CLIP2: variants seen among roughly 807,000 people sequenced by gnomAD.
The protein encoded by CLIP2 is CAP-Gly domain containing linker protein 2.
In CLIP2, 41 loss-of-function variants were observed where a neutral mutation model predicts 111.7. That is an observed-to-expected ratio of 0.37 (90% CI 0.29 to 0.48). The LOEUF is 0.48. CLIP2 is among the 20% of genes least tolerant of loss of function. The pLI is 0.99. For missense variants in CLIP2, 1,160 were observed against 1,422.1 expected, an observed-to-expected ratio of 0.82 and a Z score of 2.96; for synonymous variants, 660 against 644.2, an observed-to-expected ratio of 1.02 and a Z score of -0.37.
chr7:74,373,071 C>A, intron 9 of CLIP2, 35 bp downstream of exon 9: 1 of 1,430,416 alleles, frequency 7.0e-7, no homozygotes, highest in South Asian at 1.2e-5. Context: ...GGCCCGCCAG[C>A]CACCTTGCCC....
intron 3 of CLIP2, among the ~76,000 whole-genome samples, chr7:74,348,661 G>A (rs1222033764): frequency 4.0e-5 from 6 of 151,850 alleles, no homozygotes; most frequent in Non-Finnish European, 5.9e-5. Flanking sequence ...ATGGTGGCGG[G>A]CGCCTGTAGT....
chr7:74,401,864 G>A, intron 16 of CLIP2, among the ~76,000 whole-genome samples: 1 of 152,146 alleles, frequency 6.6e-6, no homozygotes. Context: ...CCAGGAGTTT[G>A]AGACCAGCCT....
intron 1 of CLIP2, among the ~76,000 whole-genome samples, chr7:74,313,545 G>A (rs1215401005): frequency 2.6e-5 from 4 of 151,214 alleles, no homozygotes; most frequent in African/African-American, 9.7e-5. Context: ...GGGCGACAGA[G>A]TGAGACTCCA....
In CLIP2 at chr7:74,354,009, G is replaced by A; in HGVS notation, c.803+5G>A. 1 of 1,609,152 alleles carries A rather than the reference G, an allele frequency of 6.2e-7. No individual in the cohort carries two copies. The highest frequency in any genetic ancestry group is 8.5e-7 in the Non-Finnish European group (1 of 1,176,926). ...TGGGGCGGTGGCGGGCACCAGGTATGGTGGGCTTCTTCTGGGGAGTATGGG... is the reference window on the plus strand; with the variant it reads ...TGGGGCGGTGGCGGGCACCAGGTATAGTGGGCTTCTTCTGGGGAGTATGGG... On this transcript the variant is annotated splice_donor_5th_base_variant and intron_variant, in intron 4 of 16. Transcript: ENST00000223398.
chr7:74,400,079 G>A (rs1215575029), intron 14 of CLIP2, among the ~76,000 whole-genome samples: 2 of 151,022 alleles, frequency 1.3e-5, no homozygotes, highest in Non-Finnish European at 3.0e-5. Flanking sequence ...GAACCCGGGA[G>A]GCGGAGCTTG....
chr7:74,318,585 C>T (rs571940981), intron 2 of CLIP2, among the ~76,000 whole-genome samples: 7 of 152,058 alleles, frequency 4.6e-5, no homozygotes, highest in East Asian at 1.9e-4. Flanking sequence ...TGGTGGCGGG[C>T]GCCTATAGTC....
intron 1 of CLIP2, among the ~76,000 whole-genome samples, chr7:74,299,685 C>G (rs536100600): frequency 6.6e-6 from 1 of 151,188 alleles, no homozygotes; most frequent in East Asian, 1.9e-4. Context: ...GGTGCTGACT[C>G]GAGGCCCTTC....
chr7:74,378,663 C>T (rs1011897686), intron 10 of CLIP2, among the ~76,000 whole-genome samples: 1 of 152,076 alleles, frequency 6.6e-6, no homozygotes, highest in Non-Finnish European at 1.5e-5. Context: ...TCACTTGAGC[C>T]CAGGTGTTTG....
At chr7:74,342,362 C>G (rs1204935266) in intron 3 of CLIP2, among the ~76,000 whole-genome samples, 1 of 147,032 alleles carries the variant, frequency 6.8e-6, no homozygotes, top group African/African-American at 2.5e-5. Flanking sequence ...GGTGGCAGAG[C>G]GAGACTCTGT....
intron 1 of CLIP2, among the ~76,000 whole-genome samples, chr7:74,303,263 G>A (rs1185984137): frequency 3.9e-5 from 6 of 152,204 alleles, no homozygotes; most frequent in African/African-American, 7.2e-5. Flanking sequence ...TGAGCCTTGG[G>A]CAAATGCAAA....
chr7:74,398,220 A>G (rs997752887), intron 14 of CLIP2, among the ~76,000 whole-genome samples: 4 of 151,912 alleles, frequency 2.6e-5, no homozygotes, highest in African/African-American at 4.8e-5. Flanking sequence ...TTAGCCGGGC[A>G]TGGTGGAGTG....
At chr7:74,384,579 G>A (rs573327835) in intron 11 of CLIP2, among the ~76,000 whole-genome samples, 1 of 150,656 alleles carries the variant, frequency 6.6e-6, no homozygotes, top group South Asian at 2.1e-4. Context: ...CTGAGTAGTT[G>A]GGATTAAAGG....
At position 74,338,768 on chromosome 7, in the gene CLIP2, C is replaced by T. The variant is rs1554732702; in HGVS notation, c.442C>T (p.Gln148Ter). 4 of 1,607,786 alleles carry T rather than the reference C, an allele frequency of 2.5e-6. No individual in the cohort carries two copies. The highest frequency in any genetic ancestry group is 3.4e-6 in the Non-Finnish European group (4 of 1,178,590). ...IFTRPSKLTR[Q>*]PTAEGSGSDA... ...CACGCGGCCCTCCAAGCTGACCCGG[C>T]AGCCCACGGCCGAGGGCTCGGGGAG... is the stretch of plus-strand genomic sequence containing the variant. The change falls in exon 3 of 17, where the codon CAG (glutamine) becomes TAG (stop). Residue 148 changes from glutamine to a stop codon, truncating the protein, a stop_gained. Transcript: ENST00000223398. LOFTEE classifies it high-confidence loss of function. The surrounding 1 kb of genome is among the most constrained non-coding windows in gnomAD (Gnocchi z 4.3).
chr7:74,312,403 C>A (rs1041273049), intron 1 of CLIP2, among the ~76,000 whole-genome samples: 3 of 152,042 alleles, frequency 2.0e-5, no homozygotes, highest in African/African-American at 7.2e-5. Context: ...GCAATGCTCT[C>A]CCTTCTCTGC....
At chr7:74,291,710 A>AG (rs1554725394) in intron 1 of CLIP2, among the ~76,000 whole-genome samples, 3 of 151,938 alleles carry the variant, frequency 2.0e-5, no homozygotes, top group Admixed American at 6.6e-5. Context: ...CTTCTTCAGC[A>AG]CCCTTGCTGG....
At chr7:74,350,024 T>G (rs1789938048) in intron 3 of CLIP2, among the ~76,000 whole-genome samples, 2 of 151,946 alleles carry the variant, frequency 1.3e-5, no homozygotes, top group African/African-American at 4.8e-5. Context: ...AGGCAGTGAT[T>G]TCTCCTGGGT....
At chr7:74,332,069 T>A (rs1554731387) in intron 2 of CLIP2, among the ~76,000 whole-genome samples, 1 of 151,954 alleles carries the variant, frequency 6.6e-6, no homozygotes, top group African/African-American at 2.4e-5. Flanking sequence ...AGGTTTGTTG[T>A]TGTTGGGGTT....
intron 13 of CLIP2, among the ~76,000 whole-genome samples, chr7:74,395,432 C>T (rs1584392363): frequency 1.3e-5 from 2 of 152,312 alleles, no homozygotes; most frequent in East Asian, 1.9e-4. Context: ...GCTGGGATTA[C>T]AGGCATGTGC....
chr7:74,311,963 G>A (rs937335375), intron 1 of CLIP2, among the ~76,000 whole-genome samples: 25 of 151,478 alleles, frequency 1.7e-4, no homozygotes, highest in Admixed American at 4.0e-4. Context: ...AATGCAAGTC[G>A]GGCCAGGCAT....
Sources: gnomAD v4.1 joint callset for allele counts (sites outside exome capture counted in the v4.1 genomes callset) on GRCh38, gnomAD v4.1.1 for gene constraint, Gnocchi (gnomAD v3.1) non-coding constraint, MANE v1.5 for transcripts, NCBI Gene and HGNC (gene_info 2026-07-23, HGNC 2026-07-21) for gene names.